Variants in ATP13A5 observed in about 807,000 individuals in gnomAD.
ATP13A5 encodes the protein probable cation-transporting ATPase 13A5.
In ATP13A5, 149 loss-of-function variants were observed where a neutral mutation model predicts 150.2. The observed-to-expected ratio is 0.99, with a 90% confidence interval of 0.87 to 1.14. ATP13A5 has a LOEUF of 1.14. Ranked by LOEUF, ATP13A5 falls within the 50% of genes most tolerant of loss-of-function variation. The pLI, the probability that ATP13A5 is intolerant of heterozygous loss-of-function variation, is 0.00. For synonymous variants in ATP13A5, 497 were observed against 522.2 expected (o/e 0.95, Z 0.66); for missense variants, 1,383 against 1,449.3 (o/e 0.95, Z 0.74).
At chr3:193,343,467 G>T (rs1371932419) in intron 9 of ATP13A5, among the ~76,000 whole-genome samples, 1 of 152,170 alleles carries the variant, frequency 6.6e-6, no homozygotes, top group African/African-American at 2.4e-5. Flanking sequence ...CTCCTTTCCT[G>T]TGAAACCTTG....
intron 6 of ATP13A5, among the ~76,000 whole-genome samples, chr3:193,351,923 T>C (rs1712578254): frequency 6.6e-6 from 1 of 152,174 alleles, no homozygotes; most frequent in South Asian, 2.1e-4. Context: ...TCCTGCTAAC[T>C]CATGCTAATA....
chr3:193,338,293 G>C (rs1336022231), intron 9 of ATP13A5, among the ~76,000 whole-genome samples: 1 of 152,168 alleles, frequency 6.6e-6, no homozygotes, highest in South Asian at 2.1e-4. Context: ...GTGAGAGAGG[G>C]CATCCCTGTC....
At chr3:193,281,115 C>G (rs2108817026) in intron 27 of ATP13A5, 1 of 888,496 alleles carries the variant, frequency 1.1e-6, no homozygotes, top group South Asian at 5.2e-5. Flanking sequence ...AATTGCATCT[C>G]TCAGGATAAA....
intron 13 of ATP13A5, 57 bp downstream of exon 13, chr3:193,326,939 A>G: frequency 6.9e-7 from 1 of 1,454,140 alleles, no homozygotes; most frequent in Non-Finnish European, 9.7e-7. Flanking sequence ...GATGGATTTG[A>G]GTATCATCCA....
intron 3 of ATP13A5, 124 bp from the exon 4 acceptor site, chr3:193,362,761 CTT>C (rs1560150959): frequency 2.2e-5 from 3 of 133,590 alleles, no homozygotes; most frequent in East Asian, 7.7e-5. Flanking sequence ...TTCTTTCTTT[CTT>C]TCTTTCTTTC....
chr3:193,289,743 T>G, intron 26 of ATP13A5, 142 bp downstream of exon 26: 3 of 724,498 alleles, frequency 4.1e-6, no homozygotes, highest in Non-Finnish European at 6.6e-6. Flanking sequence ...ATTAACTGTG[T>G]TCTGTCCCAT....
At chr3:193,363,506 AC>A (rs1260082591) in intron 2 of ATP13A5, 124 bp from the exon 3 acceptor site, 1 of 855,920 alleles carries the variant, frequency 1.2e-6, no homozygotes, top group East Asian at 2.7e-5. Context: ...TTATCTCAGA[AC>A]TTAGTAGAAA....
Position 193,276,828 on chromosome 3 carries a change from C to T in ATP13A5, c.3318G>A (p.Leu1106=). 1 of 1,612,148 alleles carries T rather than the reference C, an allele frequency of 6.2e-7. No individual in the cohort carries two copies. Among genetic ancestry groups the T allele is most frequent in the Non-Finnish European group, 8.5e-7 (1 of 1,178,874 alleles). ...DFQVIYRGME[L]IPTITSWRVL... The stretch of plus-strand genomic sequence containing the variant: ...CCCTCCACGATGTTATGGTTGGGAT[C>T]AACTGTTGAAAAACAAATACCATTA... The change falls in exon 29 of 30, where the codon TTG becomes TTA. Residue 1106 remains leucine (L), a splice_region_variant and synonymous_variant. Coordinates refer to ENST00000342358, the MANE Select transcript of ATP13A5 (RefSeq NM_198505.4).
chr3:193,335,887 C>T (rs1348230674), intron 9 of ATP13A5, among the ~76,000 whole-genome samples: 1 of 152,064 alleles, frequency 6.6e-6, no homozygotes, highest in African/African-American at 2.4e-5. Flanking sequence ...TTTTTCCTTT[C>T]CCTGGTGGCT....
intron 12 of ATP13A5, among the ~76,000 whole-genome samples, 174 bp from the exon 13 acceptor site, chr3:193,327,231 G>A (rs1023666956): frequency 1.3e-5 from 2 of 152,116 alleles, no homozygotes; most frequent in Non-Finnish European, 2.9e-5. Context: ...AAATTAAGCA[G>A]GTGATACATG....
At position 193,364,107 on chromosome 3, in the gene ATP13A5, T is replaced by C. The variant is rs1448831354; in HGVS notation, c.237A>G (p.Thr79=). Residue 79 remains threonine (T), a splice_region_variant and synonymous_variant, in exon 2 of 30, where the codon ACA becomes ACG. Transcript: ENST00000342358. ...QEADTVLLRT[T]DEFQRYMRKK... ...AAATAGAAAACAGAAAGGCACGCAC[T>C]GTTGTCCTCAGCAAAACAGTGTCTG... The C allele has an allele frequency of 6.2e-7, 1 of 1,613,990 alleles. No individual in the cohort carries two copies. The highest frequency in any genetic ancestry group is 1.7e-5 in the Admixed American group (1 of 60,008).
intron 22 of ATP13A5, among the ~76,000 whole-genome samples, chr3:193,306,161 C>CA (rs1718611702): frequency 6.6e-6 from 1 of 151,192 alleles, no homozygotes; most frequent in African/African-American, 2.4e-5. Context: ...CACAGAACTA[C>CA]AGAGTACCTG....
At chr3:193,359,298 C>A (rs77707720) in intron 5 of ATP13A5, among the ~76,000 whole-genome samples, 1 of 152,034 alleles carries the variant, frequency 6.6e-6, no homozygotes, top group African/African-American at 2.4e-5. Context: ...ATAGAGGTCA[C>A]GGTATATAAG....
At chr3:193,374,194 A>C (rs1278489064) in intron 1 of ATP13A5, among the ~76,000 whole-genome samples, 1 of 152,162 alleles carries the variant, frequency 6.6e-6, no homozygotes, top group African/African-American at 2.4e-5. Flanking sequence ...AAAATGATAA[A>C]ATAATACCTA....
intron 27 of ATP13A5, 73 bp from the exon 28 acceptor site, chr3:193,279,527 C>G (rs1024012795): frequency 1.7e-6 from 2 of 1,208,794 alleles, no homozygotes; most frequent in African/African-American, 3.0e-5. Flanking sequence ...ATTGCAGAAT[C>G]AATTATCTCT....
chr3:193,283,445 A>T (rs544307363), intron 27 of ATP13A5, among the ~76,000 whole-genome samples: 18 of 152,324 alleles, frequency 1.2e-4, no homozygotes, highest in Middle Eastern at 6.8e-3. Flanking sequence ...AAAAATGTAA[A>T]CACACAATTC....
chr3:193,369,168 C>T (rs1483040309), intron 1 of ATP13A5, among the ~76,000 whole-genome samples: 1 of 152,070 alleles, frequency 6.6e-6, no homozygotes, highest in East Asian at 1.9e-4. Flanking sequence ...CGCTTGAGCC[C>T]AGGAGTTCAG....
chr3:193,293,115 G>A (rs552976748), intron 25 of ATP13A5, among the ~76,000 whole-genome samples: 72 of 152,172 alleles, frequency 4.7e-4, no homozygotes, highest in African/African-American at 1.6e-3. Context: ...GTGACAGCAT[G>A]GCACTGGAAA....
At chr3:193,278,727 TTCTG>T (rs1375535668) in intron 28 of ATP13A5, among the ~76,000 whole-genome samples, 1 of 152,158 alleles carries the variant, frequency 6.6e-6, no homozygotes, top group Non-Finnish European at 1.5e-5. Context: ...TTCTTCCCAG[TTCTG>T]TCTGTCTTCA....
Sources: gnomAD v4.1 joint callset for allele counts (sites outside exome capture counted in the v4.1 genomes callset) on GRCh38, gnomAD v4.1.1 for gene constraint, MANE v1.5 for transcripts, NCBI Gene and HGNC (gene_info 2026-07-23, HGNC 2026-07-21) for gene names.